COL25A1: variants seen among roughly 807,000 people sequenced by gnomAD.
COL25A1 encodes the protein collagen type XXV alpha 1 chain, also known as collagen alpha-1(XXV) chain.
A neutral mutation model predicts 128.4 loss-of-function variants in COL25A1; 103 were observed. That is an observed-to-expected ratio of 0.80 (90% CI 0.68 to 0.94). The LOEUF (loss-of-function observed/expected upper bound fraction) is 0.94, where lower values mean the gene tolerates loss of function less well. COL25A1 is among the 40% of genes least tolerant of loss of function. The probability of loss-of-function intolerance (pLI) is 0.00; values close to 1 mark genes in which losing one functional copy is unlikely to be tolerated. For missense variants in COL25A1, 745 were observed against 840.0 expected (o/e 0.89, Z 1.40); for synonymous variants, 279 against 277.2 (o/e 1.01, Z -0.06).
intron 5 of COL25A1, among the ~76,000 whole-genome samples, chr4:109,012,750 G>A (rs189319785): frequency 6.6e-6 from 1 of 152,200 alleles, no homozygotes; most frequent in African/African-American, 2.4e-5. Context: ...TGCCATGCCT[G>A]AGCCCCTCTG....
intron 35 of COL25A1, chr4:108,823,893 C>T: frequency 2.9e-6 from 4 of 1,365,784 alleles, no homozygotes; most frequent in South Asian, 1.8e-5. Context: ...TTCAAAAATC[C>T]TTTATTTTTC....
chr4:108,953,542 G>T (rs1749703839), intron 8 of COL25A1, among the ~76,000 whole-genome samples: 1 of 152,108 alleles, frequency 6.6e-6, no homozygotes, highest in Non-Finnish European at 1.5e-5. Flanking sequence ...AAAGAAGCAG[G>T]TTTAAGACAA....
At chr4:109,200,176 G>T (rs1776434730) in intron 3 of COL25A1, among the ~76,000 whole-genome samples, 1 of 152,180 alleles carries the variant, frequency 6.6e-6, no homozygotes, top group African/African-American at 2.4e-5. Context: ...CATCGTCGAA[G>T]TCTTTCTCCA....
In COL25A1 at chr4:109,079,229, A is replaced by C. The variant is rs72885105; in HGVS notation, c.368-29050T>G. ...TTTAGGTGAATTTTTTTTCTCCCCA[A>C]GATTTCCATTTGTTTTCAGTGTCCA... On this transcript the variant is annotated intron_variant, in intron 3 of 37. Transcript: ENST00000399132. Among the ~76,000 whole-genome samples the C allele has an allele frequency of 3.5e-3, 533 of 152,334 alleles. 3 individuals carry two copies. The highest frequency in any genetic ancestry group is 0.012 in the African/African-American group (510 of 41,572).
intron 3 of COL25A1, among the ~76,000 whole-genome samples, chr4:109,276,446 A>T (rs1722856057): frequency 6.6e-6 from 1 of 151,986 alleles, no homozygotes; most frequent in Non-Finnish European, 1.5e-5. Flanking sequence ...TATTTTTTAC[A>T]CATCTAACAC....
At chr4:109,278,568 T>C (rs1360956825) in intron 3 of COL25A1, among the ~76,000 whole-genome samples, 1 of 152,230 alleles carries the variant, frequency 6.6e-6, no homozygotes, top group Admixed American at 6.5e-5. Context: ...AAATGTATTC[T>C]TATGAAAATT....
chr4:109,117,965 T>C (rs537715929), intron 3 of COL25A1, among the ~76,000 whole-genome samples: 2 of 151,572 alleles, frequency 1.3e-5, no homozygotes, highest in East Asian at 3.9e-4. Flanking sequence ...GAAAATGGAA[T>C]GATATAAAAT....
intron 3 of COL25A1, among the ~76,000 whole-genome samples, chr4:109,193,449 A>C (rs1480160558): frequency 6.6e-6 from 1 of 152,206 alleles, no homozygotes; most frequent in Non-Finnish European, 1.5e-5. Flanking sequence ...GTCTATAGGA[A>C]TAGGCAAGGT....
intron 3 of COL25A1, among the ~76,000 whole-genome samples, chr4:109,153,981 T>G (rs1771791737): frequency 6.6e-6 from 1 of 152,186 alleles, no homozygotes; most frequent in Non-Finnish European, 1.5e-5. Flanking sequence ...ACATGACCCT[T>G]GTCCCTGAGC....
In COL25A1 at chr4:108,875,241, C is replaced by T. The variant is rs112878912; in HGVS notation, c.1021-6091G>A. On this transcript the variant is annotated intron_variant, in intron 19 of 37. Transcript: ENST00000399132. The stretch of plus-strand genomic sequence containing the variant: ...CTAATTAAACTAAAGAGCTTCTGCA[C>T]GGCAAAAGAAACTACCACCAGAGTG... Among the ~76,000 whole-genome samples the T allele has an allele frequency of 9.6e-3, 1,463 of 152,178 alleles. 26 individuals are homozygous for T. Among genetic ancestry groups the T allele is most frequent in the African/African-American group, 0.032 (1,346 of 41,504 alleles).
At chr4:108,817,817 G>A (rs1420149423) in intron 36 of COL25A1, among the ~76,000 whole-genome samples, 2 of 151,724 alleles carry the variant, frequency 1.3e-5, no homozygotes, top group South Asian at 2.1e-4. Context: ...TTCTCTTCCC[G>A]GTCACTATTA....
At chr4:108,964,831 A>C (rs1751114949) in intron 8 of COL25A1, among the ~76,000 whole-genome samples, 2 of 152,196 alleles carry the variant, frequency 1.3e-5, no homozygotes, top group African/African-American at 4.8e-5. Flanking sequence ...GAACATGTGC[A>C]AATCTTAATG....
At chr4:108,883,137 G>A (rs1039662178) in intron 19 of COL25A1, among the ~76,000 whole-genome samples, 4 of 152,052 alleles carry the variant, frequency 2.6e-5, no homozygotes, top group African/African-American at 9.7e-5. Flanking sequence ...CACCTCCCGG[G>A]TTCAAGAGAG....
chr4:109,125,082 T>C (rs1034555519), intron 3 of COL25A1, among the ~76,000 whole-genome samples: 2 of 152,110 alleles, frequency 1.3e-5, no homozygotes, highest in East Asian at 1.9e-4. Flanking sequence ...TAAGATTTTA[T>C]TCCACCTAAA....
chr4:109,020,772 C>T (rs1444804677), intron 5 of COL25A1, among the ~76,000 whole-genome samples: 1 of 152,080 alleles, frequency 6.6e-6, no homozygotes, highest in African/African-American at 2.4e-5. Flanking sequence ...ATTTCACATA[C>T]AGAACACACA....
chr4:109,158,794 C>T (rs1467881543), intron 3 of COL25A1, among the ~76,000 whole-genome samples: 4 of 152,174 alleles, frequency 2.6e-5, no homozygotes, highest in African/African-American at 9.7e-5. Flanking sequence ...CAGTTACCTG[C>T]TTCAAAAACT....
chr4:109,275,175 T>C (rs1042080175), intron 3 of COL25A1, among the ~76,000 whole-genome samples: 1 of 152,128 alleles, frequency 6.6e-6, no homozygotes, highest in Non-Finnish European at 1.5e-5. Flanking sequence ...CAAAATTGTA[T>C]GTTCCCCTCA....
At chr4:109,184,511 A>G (rs752446140) in intron 3 of COL25A1, among the ~76,000 whole-genome samples, 83 of 152,186 alleles carry the variant, frequency 5.5e-4, no homozygotes, top group Non-Finnish European at 4.6e-4. Flanking sequence ...TCGGATACAC[A>G]ATGGTACTTT....
At chr4:109,191,959 G>GGT (rs1775658158) in intron 3 of COL25A1, among the ~76,000 whole-genome samples, 1 of 152,204 alleles carries the variant, frequency 6.6e-6, no homozygotes, top group Non-Finnish European at 1.5e-5. Context: ...AAAATTAAGT[G>GGT]CAACAGGAAT....
Sources: allele counts gnomAD v4.1 joint callset (sites outside exome capture counted in the v4.1 genomes callset), GRCh38; gene constraint gnomAD v4.1.1; transcripts MANE v1.5; gene names NCBI Gene and HGNC (gene_info 2026-07-23, HGNC 2026-07-21).